FAF1: variants seen among roughly 807,000 people sequenced by gnomAD.
FAF1 encodes FAS-associated factor 1.
Under a neutral mutation model 92.5 loss-of-function variants are expected in FAF1, and 25 were observed. The observed-to-expected ratio is 0.27, with a 90% CI of 0.20 to 0.38. The LOEUF (loss-of-function observed/expected upper bound fraction) is 0.38. Among genes scored for constraint, FAF1 ranks in the 10% least tolerant of loss-of-function variants. FAF1 has a pLI of 1.00. For missense variants in FAF1, 636 were observed against 793.3 expected, an observed-to-expected ratio of 0.80 and a Z score of 2.38; for synonymous variants, 234 against 273.2, an observed-to-expected ratio of 0.86 and a Z score of 1.42.
intron 12 of FAF1, among the ~76,000 whole-genome samples, chr1:50,572,270 T>C (rs1650480354): frequency 6.6e-6 from 1 of 152,202 alleles, no homozygotes; most frequent in Admixed American, 6.5e-5. Context: ...CCCTGAAACA[T>C]CTGAATGTTT....
chr1:50,507,421 G>A (rs1057183055), intron 15 of FAF1, among the ~76,000 whole-genome samples: 2 of 152,134 alleles, frequency 1.3e-5, no homozygotes, highest in Non-Finnish European at 2.9e-5. Flanking sequence ...ACATTTTTAC[G>A]GGGACTAGTT....
At chr1:50,760,544 T>C (rs2124526888) in intron 4 of FAF1, among the ~76,000 whole-genome samples, 1 of 152,238 alleles carries the variant, frequency 6.6e-6, no homozygotes, top group South Asian at 2.1e-4. Context: ...CATTTAAAAC[T>C]GCTCAACTAC....
chr1:50,617,458 T>C (rs1009229604), intron 8 of FAF1, among the ~76,000 whole-genome samples: 4 of 152,198 alleles, frequency 2.6e-5, no homozygotes, highest in African/African-American at 9.6e-5. Flanking sequence ...ATTTATTGAT[T>C]TGTGTATGTT....
chr1:50,507,328 C>A (rs1647071321), intron 15 of FAF1, among the ~76,000 whole-genome samples: 1 of 152,146 alleles, frequency 6.6e-6, no homozygotes, highest in Non-Finnish European at 1.5e-5. Context: ...AATCTGCCCC[C>A]AAAGCTAAAT....
chr1:50,458,817 A>G (rs927347753), intron 18 of FAF1, among the ~76,000 whole-genome samples: 10 of 152,194 alleles, frequency 6.6e-5, no homozygotes, highest in Non-Finnish European at 1.5e-4. Flanking sequence ...CAACAGCTCT[A>G]TGAATTTCGT....
At chr1:50,819,684 T>TAA (rs1557543190) in intron 2 of FAF1, among the ~76,000 whole-genome samples, 1 of 73,896 alleles carries the variant, frequency 1.4e-5, no homozygotes, top group African/African-American at 4.9e-5. Flanking sequence ...TCTCTGTATA[T>TAA]ATATATACAT....
chr1:50,920,391 C>T (rs1001222008), intron 1 of FAF1, among the ~76,000 whole-genome samples: 1 of 151,852 alleles, frequency 6.6e-6, no homozygotes, highest in African/African-American at 2.4e-5. Context: ...AGTGTAGGTA[C>T]AGCCCCAAGT....
At position 50,584,685 on chromosome 1, in the gene FAF1, T is replaced by C. The variant is rs573049422; in HGVS notation, c.967A>G (p.Met323Val). The C allele has an allele frequency of 6.2e-7, 1 of 1,613,096 alleles. No individual in the cohort carries two copies. The highest frequency in any genetic ancestry group is 1.7e-5 in the Admixed American group (1 of 59,976). ...GACCCAAAGAGCTATTAATACTCAC[T>C]CATTGGAGATTTTCTCAAGGCAGAT... The part of the protein sequence containing the change: ...ASSALRKSPM[M>V]PENAENEGDA... The change falls in exon 10 of 19, where the codon ATG (methionine) becomes GTG (valine). Residue 323 changes from methionine (M) to valine (V), a missense_variant and splice_region_variant. Physicochemically the swap from Met to Val is conservative, Grantham distance 21. Around this residue, in one of 2 missense-constraint regions of FAF1, gnomAD observed 319 missense variants for 451.0 expected, o/e 0.71. Coordinates refer to ENST00000396153, the MANE Select transcript of FAF1 (RefSeq NM_007051.3).
intron 1 of FAF1, among the ~76,000 whole-genome samples, chr1:50,881,067 A>T (rs1379993883): frequency 6.6e-6 from 1 of 152,234 alleles, no homozygotes; most frequent in Admixed American, 6.5e-5. Flanking sequence ...TTCAAACATT[A>T]GTACTGTTTA....
At chr1:50,693,618 AAAAT>A (rs1281897875) in intron 7 of FAF1, among the ~76,000 whole-genome samples, 2 of 152,088 alleles carry the variant, frequency 1.3e-5, no homozygotes, top group Non-Finnish European at 2.9e-5. Flanking sequence ...TTTAAGATAA[AAAAT>A]AAAATTTCTT....
At chr1:50,907,720 G>A (rs1017285581) in intron 1 of FAF1, among the ~76,000 whole-genome samples, 16 of 152,012 alleles carry the variant, frequency 1.1e-4, no homozygotes, top group Non-Finnish European at 1.3e-4. Context: ...GGGATTGGTG[G>A]TGATATCCCC....
intron 13 of FAF1, among the ~76,000 whole-genome samples, chr1:50,558,401 G>T (rs1649702446): frequency 6.6e-6 from 1 of 152,092 alleles, no homozygotes; most frequent in African/African-American, 2.4e-5. Context: ...CGGGGGACGG[G>T]TTACAGAATG....
intron 1 of FAF1, among the ~76,000 whole-genome samples, chr1:50,947,607 G>T (rs989302568): frequency 3.9e-5 from 6 of 152,188 alleles, no homozygotes; most frequent in African/African-American, 1.4e-4. Context: ...TTATAATCAG[G>T]AAGAGTGAAT....
chr1:50,826,237 T>TA (rs1287115337), intron 2 of FAF1, among the ~76,000 whole-genome samples: 40 of 152,122 alleles, frequency 2.6e-4, no homozygotes, highest in Admixed American at 2.6e-3. Flanking sequence ...CAAAAGTCCA[T>TA]AAAAAAGAAT....
chr1:50,865,581 T>C (rs1359978929), intron 1 of FAF1, among the ~76,000 whole-genome samples: 7 of 135,730 alleles, frequency 5.2e-5, no homozygotes, highest in Admixed American at 3.0e-4. Flanking sequence ...AGTAAACTAT[T>C]GCAAGAACAA....
intron 8 of FAF1, among the ~76,000 whole-genome samples, chr1:50,651,609 T>G (rs1031170508): frequency 3.3e-5 from 5 of 152,250 alleles, no homozygotes; most frequent in African/African-American, 1.2e-4. Context: ...TTCAGGTGCT[T>G]TCTCTGAAAG....
rs1186821366 is a variant in FAF1, at chr1:50,846,851, A to G, written c.114+11078T>C. On this transcript the variant is annotated intron_variant, in intron 2 of 18. Coordinates refer to ENST00000396153, the MANE Select transcript of FAF1 (RefSeq NM_007051.3). The stretch of plus-strand genomic sequence containing the variant: ...AGAAGAGGAAGAAGTGAGAAGATTC[A>G]CCAGGAATTAGCCTTATATTTAATC... 2.3e-5 allele frequency: 13 copies of G among 567,380 alleles called. No individual in the cohort carries two copies. In the Admixed American group the frequency reaches 3.1e-4, roughly 13 times the overall value. The allele number at this position is 567,380 out of a possible 1,614,324, so 35.1% of individuals were successfully genotyped here. A position where few individuals can be genotyped will look rare whatever the true frequency, so the allele number is the denominator to read the frequency against.
intron 18 of FAF1, among the ~76,000 whole-genome samples, chr1:50,458,441 T>C (rs1646383302): frequency 6.6e-6 from 1 of 152,198 alleles, no homozygotes; most frequent in Non-Finnish European, 1.5e-5. Flanking sequence ...AACTAATACC[T>C]GGCATACAAT....
chr1:50,768,601 C>A (rs191184720), intron 4 of FAF1, among the ~76,000 whole-genome samples: 1 of 151,668 alleles, frequency 6.6e-6, no homozygotes, highest in East Asian at 1.9e-4. Flanking sequence ...TGAACCAGTG[C>A]AATAAAAATA....
Sources: allele counts gnomAD v4.1 joint callset (sites outside exome capture counted in the v4.1 genomes callset), GRCh38; gene constraint gnomAD v4.1.1; regional missense constraint gnomAD v4.1.1; transcripts MANE v1.5; gene names NCBI Gene and HGNC (gene_info 2026-07-23, HGNC 2026-07-21).